ROR1: variants seen among roughly 807,000 people sequenced by gnomAD.
The protein encoded by ROR1 is inactive tyrosine-protein kinase transmembrane receptor ROR1.
In ROR1, 19 loss-of-function variants were observed where a neutral mutation model predicts 78.8. The observed-to-expected ratio is 0.24, with a 90% CI of 0.17 to 0.35. ROR1 has a LOEUF of 0.35. Among genes scored for constraint, ROR1 ranks in the 10% least tolerant of loss-of-function variants. The probability of loss-of-function intolerance (pLI) is 1.00; values close to 1 mark genes in which losing one functional copy is unlikely to be tolerated. For missense variants in ROR1, 917 were observed against 1,177.8 expected, an observed-to-expected ratio of 0.78 and a Z score of 3.24; for synonymous variants, 386 against 433.6, an observed-to-expected ratio of 0.89 and a Z score of 1.36.
chr1:63,775,378 G>T (rs1311992752), intron 1 of ROR1: 1 of 152,212 alleles, frequency 6.6e-6, no homozygotes, highest in East Asian at 1.9e-4. Flanking sequence ...GAAGAGCCCG[G>T]CTGAGCCTGT....
At position 63,797,914 on chromosome 1, in the gene ROR1, G is replaced by A. The variant is rs373584863; in HGVS notation, c.91+23406G>A. Among the ~76,000 whole-genome samples, 73 of 149,892 alleles carry A rather than the reference G, an allele frequency of 4.9e-4. No individual in the cohort carries two copies. The South Asian group carries it at 0.014, about 28-fold the overall frequency. On this transcript the variant is annotated intron_variant, in intron 1 of 8. Coordinates refer to ENST00000371079, the MANE Select transcript of ROR1 (RefSeq NM_005012.4). ...CAGGATAACCTTTGAGAGGACAGAC[G>A]ACCAAATTCCTTTTCACTAAATACT... is the stretch of plus-strand genomic sequence containing the variant.
rs1646335861 is a variant in ROR1, at chr1:63,996,201, A to G, written c.92-13104A>G. 2.0e-5 allele frequency among the ~76,000 whole-genome samples: 3 copies of G among 152,158 alleles called. 1 individual carries two copies. In the South Asian group the frequency reaches 6.2e-4, roughly 32 times the overall value. On this transcript the variant is annotated intron_variant, in intron 1 of 8. Coordinates refer to ENST00000371079, the MANE Select transcript of ROR1 (RefSeq NM_005012.4). Reference sequence around the variant, plus strand: ...ATCTTATTAAAAAGATGTACCCCCAAAGAAACTGTAGATCACCTTACAAAG... The same window carrying G: ...ATCTTATTAAAAAGATGTACCCCCAGAGAAACTGTAGATCACCTTACAAAG...
chr1:64,014,752 A>ATG (rs1423292538), intron 2 of ROR1, among the ~76,000 whole-genome samples: 9 of 32,488 alleles, frequency 2.8e-4, no homozygotes, highest in South Asian at 2.1e-3. Context: ...ATATATATAT[A>ATG]TATATATATA....
intron 1 of ROR1, among the ~76,000 whole-genome samples, chr1:63,805,826 G>C (rs1644825061): frequency 6.6e-6 from 1 of 152,066 alleles, no homozygotes; most frequent in African/African-American, 2.4e-5. Flanking sequence ...GACCAGCCTG[G>C]GCAACATAGC....
chr1:64,087,586 C>T (rs1647164861), intron 4 of ROR1, among the ~76,000 whole-genome samples: 2 of 145,680 alleles, frequency 1.4e-5, no homozygotes, highest in South Asian at 4.5e-4. Flanking sequence ...TTACATTCTT[C>T]AATCTACACA....
At chr1:64,092,661 T>A (rs1161242474) in intron 4 of ROR1, among the ~76,000 whole-genome samples, 1 of 152,210 alleles carries the variant, frequency 6.6e-6, no homozygotes. Flanking sequence ...CTAGAAAACC[T>A]ACTCCAAAAA....
intron 7 of ROR1, among the ~76,000 whole-genome samples, chr1:64,145,353 G>A (rs997906065): frequency 2.0e-5 from 3 of 152,088 alleles, no homozygotes; most frequent in African/African-American, 7.2e-5. Flanking sequence ...TAAAAATATT[G>A]AAAAGAACCC....
intron 4 of ROR1, among the ~76,000 whole-genome samples, chr1:64,055,578 C>T (rs1646867252): frequency 1.3e-5 from 2 of 152,196 alleles, no homozygotes; most frequent in African/African-American, 2.4e-5. Flanking sequence ...TTACATTGTG[C>T]GAGCACTCAT....
chr1:63,938,668 T>G (rs1645812376), intron 1 of ROR1, among the ~76,000 whole-genome samples: 1 of 152,198 alleles, frequency 6.6e-6, no homozygotes, highest in African/African-American at 2.4e-5. Flanking sequence ...AAATTTTTGT[T>G]TGTCCTTGTA....
In ROR1 at chr1:64,056,717, A is replaced by C. The variant is rs141554438; in HGVS notation, c.482+6001A>C. The stretch of plus-strand genomic sequence containing the variant: ...AAACATTATTATAGCCATCCTCGTG[A>C]GTGTGAAATGGTATCTCATTGTGGT... On this transcript the variant is annotated intron_variant, in intron 4 of 8. Transcript: ENST00000371079. 3.3e-3 allele frequency among the ~76,000 whole-genome samples: 500 copies of C among 150,114 alleles called. 1 individual carries two copies. The highest frequency in any genetic ancestry group is 5.8e-3 in the Non-Finnish European group (394 of 67,732).
chr1:64,100,525 C>A (rs1225074062), intron 4 of ROR1, among the ~76,000 whole-genome samples: 1 of 152,026 alleles, frequency 6.6e-6, no homozygotes, highest in Non-Finnish European at 1.5e-5. Context: ...TCAGTAATAT[C>A]CCCAAATGTT....
intron 2 of ROR1, among the ~76,000 whole-genome samples, chr1:64,026,198 G>A (rs1233042877): frequency 6.6e-6 from 1 of 152,050 alleles, no homozygotes; most frequent in Non-Finnish European, 1.5e-5. Context: ...AGTGGCTGGG[G>A]GCTGTTCTCT....
rs566313089 is a variant in ROR1, at chr1:63,959,926, G to A, written c.92-49379G>A. Among the ~76,000 whole-genome samples the A allele has an allele frequency of 1.7e-4, 26 of 152,216 alleles. 1 individual carries two copies. In the South Asian group the frequency reaches 3.3e-3, roughly 19 times the overall value. The stretch of plus-strand genomic sequence containing the variant: ...ACTTCTTCTGCAGCCCATTCCCAGC[G>A]TTCTCTGCTCATTTTAAATGACCCA... On this transcript the variant is annotated intron_variant, in intron 1 of 8. Coordinates refer to ENST00000371079, the MANE Select transcript of ROR1 (RefSeq NM_005012.4).
rs145881790 is a variant in ROR1, at chr1:63,907,821, C to A, written c.92-101484C>A. Among the ~76,000 whole-genome samples, 9 of 152,258 alleles carry A rather than the reference C, an allele frequency of 5.9e-5. No individual in the cohort carries two copies. In the East Asian group the frequency reaches 1.7e-3, roughly 29 times the overall value. Reference sequence around the variant, plus strand: ...TCCAATCCTGGGCAGTGACTTATCCCAGTGCCCAGGTGAGTTACTAGCAAA... The same window carrying A: ...TCCAATCCTGGGCAGTGACTTATCCAAGTGCCCAGGTGAGTTACTAGCAAA... On this transcript the variant is annotated intron_variant, in intron 1 of 8. Coordinates refer to ENST00000371079, the MANE Select transcript of ROR1 (RefSeq NM_005012.4).
intron 1 of ROR1, among the ~76,000 whole-genome samples, chr1:63,855,799 C>T (rs1034613932): frequency 7.1e-6 from 1 of 141,776 alleles, no homozygotes; most frequent in African/African-American, 2.9e-5. Flanking sequence ...TAGGCGCATG[C>T]CACCACGCCC....
intron 4 of ROR1, chr1:64,111,454 G>A (rs1648092838): frequency 6.6e-6 from 1 of 152,172 alleles, no homozygotes. Flanking sequence ...CGGGTTCCTA[G>A]TCCCATAATC....
At chr1:63,906,943 C>A (rs1263237095) in intron 1 of ROR1, among the ~76,000 whole-genome samples, 1 of 152,030 alleles carries the variant, frequency 6.6e-6, no homozygotes, top group Admixed American at 6.5e-5. Context: ...GAGCCACAGG[C>A]AGGAGAGAAA....
Position 64,142,640 on chromosome 1 carries a change from C to A in ROR1, c.1164C>A (p.Ile388=). 6.2e-7 allele frequency: 1 copy of A among 1,614,058 alleles called. No individual in the cohort carries two copies. Among genetic ancestry groups the A allele is most frequent in the Non-Finnish European group, 8.5e-7 (1 of 1,179,976 alleles). The part of the protein sequence containing the change: ...DENFKSDLCD[I]PACDSKDSKE... ...ACTTTAAGTCTGATCTGTGTGACATCCCAGCGTGCGGTAAATAGAAGTCAT... is the reference window on the plus strand; with the variant it reads ...ACTTTAAGTCTGATCTGTGTGACATACCAGCGTGCGGTAAATAGAAGTCAT... Residue 388 remains isoleucine (I), a synonymous_variant, in exon 7 of 9, where the codon ATC becomes ATA. Transcript: ENST00000371079.
intron 1 of ROR1, among the ~76,000 whole-genome samples, chr1:63,830,123 C>T (rs766790040): frequency 7.9e-5 from 12 of 152,212 alleles, no homozygotes; most frequent in South Asian, 2.1e-4. Context: ...TTAACTTTTA[C>T]GCCACTGTGG....
Sources: gnomAD v4.1 joint callset for allele counts (sites outside exome capture counted in the v4.1 genomes callset) on GRCh38, gnomAD v4.1.1 for gene constraint, MANE v1.5 for transcripts, NCBI Gene and HGNC (gene_info 2026-07-23, HGNC 2026-07-21) for gene names.